KPNB1: variants seen among roughly 807,000 people sequenced by gnomAD.
KPNB1 encodes importin subunit beta-1.
In KPNB1, 7 loss-of-function variants were observed where a neutral mutation model predicts 113.0. The observed-to-expected ratio is 0.06, with a 90% CI of 0.04 to 0.12. The LOEUF (loss-of-function observed/expected upper bound fraction) is 0.12. Among genes scored for constraint, KPNB1 ranks in the 10% least tolerant of loss-of-function variants. KPNB1 has a pLI of 1.00. For synonymous variants in KPNB1, 363 were observed against 378.6 expected, an observed-to-expected ratio of 0.96 and a Z score of 0.48; for missense variants, 400 against 1,054.8, an observed-to-expected ratio of 0.38 and a Z score of 8.60.
chr17:47,670,614 C>T, intron 11 of KPNB1, 88 bp from the exon 12 acceptor site: 1 of 1,406,738 alleles, frequency 7.1e-7, no homozygotes, highest in Non-Finnish European at 9.6e-7. Flanking sequence ...AGTTCACTGA[C>T]ACGGCCCAAA....
intron 16 of KPNB1, among the ~76,000 whole-genome samples, chr17:47,676,718 T>C (rs2030624226): frequency 6.6e-6 from 1 of 151,774 alleles, no homozygotes; most frequent in South Asian, 2.1e-4. Flanking sequence ...TAACAGATAA[T>C]GGTGGACAAG....
In KPNB1 at chr17:47,656,860, G is replaced by A. The variant is rs1357460650; in HGVS notation, c.283G>A (p.Val95Ile). 8 of 1,613,088 alleles carry A rather than the reference G, an allele frequency of 5.0e-6. No homozygotes were observed. The highest frequency in any genetic ancestry group is 5.9e-6 in the Non-Finnish European group (7 of 1,179,444). ...TCTTTTGTCTTTTTTTTTGGTGCAG[G>A]TTTTGCAGACATTGGGTACAGAAAC... ...ANARREVKNY[V>I]LQTLGTETYR... is the part of the protein sequence containing the mutation. The change falls in exon 4 of 22, where the codon GTT becomes ATT. Residue 95 changes from valine (V) to isoleucine (I), a missense_variant and splice_region_variant. Physicochemically the swap from Val to Ile is conservative, Grantham distance 29. Around this residue, in one of 2 missense-constraint regions of KPNB1, gnomAD observed 285 missense variants for 627.0 expected, o/e 0.45. Transcript: ENST00000290158.
At chr17:47,681,877 G>A (rs2030797599) in intron 21 of KPNB1, among the ~76,000 whole-genome samples, 2 of 152,028 alleles carry the variant, frequency 1.3e-5, no homozygotes, top group African/African-American at 4.8e-5. Context: ...CTGTCACCCA[G>A]GCTGGAGTGC....
chr17:47,675,358 G>GTTTTTTTTTTTTTTT (rs1555619221), intron 15 of KPNB1, among the ~76,000 whole-genome samples: 3 of 88,858 alleles, frequency 3.4e-5, no homozygotes, highest in Non-Finnish European at 4.9e-5. Flanking sequence ...TGGCAGAGGT[G>GTTTTTTTTTTTTTTT]TTGTTTTTTT....
Position 47,680,538 on chromosome 17 carries a change from A to G in KPNB1, c.2499A>G (p.Val833=). 5.0e-6 allele frequency: 8 copies of G among 1,614,228 alleles called. No individual in the cohort carries two copies. The highest frequency in any genetic ancestry group is 6.8e-6 in the Non-Finnish European group (8 of 1,180,040). Residue 833 remains valine (V), a synonymous_variant, in exon 21 of 22, where the codon GTA becomes GTG. Coordinates refer to ENST00000290158, the MANE Select transcript of KPNB1 (RefSeq NM_002265.6). ...GDLCTAFGKD[V]LKLVEARPMI... is the part of the protein sequence containing the mutation. ...TATGTACAGCATTTGGGAAGGATGT[A>G]CTGAAATTAGTAGAAGCTAGGCCAA...
At chr17:47,652,566 AT>A in intron 2 of KPNB1, 127 bp from the exon 3 acceptor site, 1 of 596,768 alleles carries the variant, frequency 1.7e-6, no homozygotes, top group East Asian at 3.1e-5. Flanking sequence ...AAATGCTTAT[AT>A]CAAAAAAAAA....
At chr17:47,651,210 G>A in intron 2 of KPNB1, 1 of 985,300 alleles carries the variant, frequency 1.0e-6, no homozygotes. Flanking sequence ...AAGGGGTCCG[G>A]AGAAAATGAA....
intron 8 of KPNB1, 123 bp downstream of exon 8, chr17:47,664,392 T>C (rs2143125347): frequency 1.5e-6 from 1 of 659,184 alleles, no homozygotes; most frequent in Non-Finnish European, 2.6e-6. Flanking sequence ...TTGGCAGAGA[T>C]TTTGATTTTT....
At chr17:47,680,201 A>C in intron 20 of KPNB1, 67 bp downstream of exon 20, 1 of 1,134,766 alleles carries the variant, frequency 8.8e-7, no homozygotes, top group Non-Finnish European at 1.3e-6. Flanking sequence ...ACATGGAGTA[A>C]GGAGTTTTGA....
chr17:47,679,807 C>G (rs1174382677), intron 19 of KPNB1: 1 of 392,308 alleles, frequency 2.5e-6, no homozygotes, highest in Non-Finnish European at 4.7e-6. Context: ...CGCCATTTTC[C>G]TACCTCAGCC....
intron 9 of KPNB1, among the ~76,000 whole-genome samples, chr17:47,666,422 A>G (rs201971012): frequency 6.0e-5 from 5 of 83,216 alleles, no homozygotes; most frequent in Admixed American, 1.5e-4. Flanking sequence ...GTGTGTGTGT[A>G]TTTTATATAT....
chr17:47,657,042 T>C lies in KPNB1; in HGVS notation c.465T>C (p.Gly155=), dbSNP rs1305600635. ...AGGAGTCGACATTGGAAGCCATCGG[T>C]TATATTTGCCAAGATATAGTAAGTG... ...HMKESTLEAI[G]YICQDIDPEQ... The change falls in exon 4 of 22, where the codon GGT becomes GGC. Residue 155 remains glycine (G), a synonymous_variant. Coordinates refer to ENST00000290158, the MANE Select transcript of KPNB1 (RefSeq NM_002265.6). The C allele has an allele frequency of 6.2e-7, 1 of 1,614,032 alleles. No individual in the cohort carries two copies. Among genetic ancestry groups the C allele is most frequent in the Non-Finnish European group, 8.5e-7 (1 of 1,179,962 alleles).
At chr17:47,668,058 T>C (rs2030344441) in intron 9 of KPNB1, 128 bp from the exon 10 acceptor site, 2 of 678,144 alleles carry the variant, frequency 2.9e-6, no homozygotes, top group African/African-American at 3.6e-5. Context: ...AGAGACAAAA[T>C]ATAAAGGTCT....
At position 47,661,159 on chromosome 17, in the gene KPNB1, C is replaced by T; in HGVS notation, c.677C>T (p.Thr226Ile). The change falls in exon 6 of 22, where the codon ACA (threonine) becomes ATA (isoleucine). Residue 226 changes from threonine to isoleucine, a missense_variant. Thr to Ile is a moderately conservative substitution (Grantham distance 89). Coordinates refer to ENST00000290158, the MANE Select transcript of KPNB1 (RefSeq NM_002265.6). ...ATTATGCAGGTGGTCTGTGAAGCCA[C>T]ACAGTGTCCAGATACGAGGGTAAGT... ...HFIMQVVCEA[T>I]QCPDTRVRVA... The T allele has an allele frequency of 6.2e-7, 1 of 1,613,194 alleles. No homozygotes were observed. The highest frequency in any genetic ancestry group is 8.5e-7 in the Non-Finnish European group (1 of 1,179,136).
At chr17:47,676,026 T>C (rs536215254) in intron 15 of KPNB1, among the ~76,000 whole-genome samples, 7 of 152,314 alleles carry the variant, frequency 4.6e-5, no homozygotes, top group Middle Eastern at 3.4e-3. Context: ...GGACCCTGTT[T>C]TGAAGCTGGC....
chr17:47,650,583 A>T, intron 2 of KPNB1, 139 bp downstream of exon 2: 1 of 564,204 alleles, frequency 1.8e-6, no homozygotes, highest in Admixed American at 3.4e-5. Context: ...CTCCCCCCCC[A>T]ACCCGGTCCA....
At chr17:47,650,568 T>TCCCCCTCCCCCC (rs1567885776) in intron 2 of KPNB1, 124 bp downstream of exon 2, 135 of 406,044 alleles carry the variant, frequency 3.3e-4, no homozygotes, top group Middle Eastern at 2.1e-3. Context: ...CCCTCCCCCC[T>TCCCCCTCCCCCC]CCCCCTCCCC....
intron 19 of KPNB1, 22 bp downstream of exon 19, chr17:47,678,435 C>T (rs1259653135): frequency 6.4e-7 from 1 of 1,556,614 alleles, no homozygotes; most frequent in Non-Finnish European, 8.9e-7. Context: ...AACCCAGTTC[C>T]CTTCGTCCGC....
At chr17:47,650,347 C>T (rs1354228139) in intron 1 of KPNB1, 39 bp from the exon 2 acceptor site, 12 of 1,610,798 alleles carry the variant, frequency 7.4e-6, no homozygotes, top group South Asian at 1.1e-5. Context: ...AGGCCCGGCC[C>T]CTCTGACCCC....
Sources: gnomAD v4.1 joint callset for allele counts (sites outside exome capture counted in the v4.1 genomes callset) on GRCh38, gnomAD v4.1.1 for gene constraint, gnomAD v4.1.1 regional missense constraint, MANE v1.5 for transcripts, NCBI Gene and HGNC (gene_info 2026-07-23, HGNC 2026-07-21) for gene names.